Variants in SPATA16 observed in about 807,000 individuals in gnomAD.
SPATA16 encodes spermatogenesis associated 16.
SPATA16 carries 36 observed loss-of-function variants against 63.3 expected under a neutral mutation model. The ratio of observed to expected loss-of-function variants is 0.57; its 90% confidence interval spans 0.44 to 0.75. SPATA16 has a LOEUF of 0.75. SPATA16 is among the 30% of genes least tolerant of loss of function. SPATA16 has a pLI of 0.00. For synonymous variants in SPATA16, 203 were observed against 216.7 expected (o/e 0.94, Z 0.56); for missense variants, 646 against 679.3 (o/e 0.95, Z 0.54).
intron 6 of SPATA16, among the ~76,000 whole-genome samples, chr3:172,933,082 C>T (rs1209566867): frequency 2.0e-5 from 3 of 152,094 alleles, no homozygotes; most frequent in Non-Finnish European, 4.4e-5. Context: ...TTATTCTGGG[C>T]TTTATTACAC....
At chr3:173,053,312 G>A (rs1391573239) in intron 2 of SPATA16, among the ~76,000 whole-genome samples, 1 of 152,138 alleles carries the variant, frequency 6.6e-6, no homozygotes, top group Non-Finnish European at 1.5e-5. Flanking sequence ...AGGAAGCAGA[G>A]TTTGCAGTGA....
chr3:173,140,031 A>G (rs1461949750), intron 1 of SPATA16, among the ~76,000 whole-genome samples: 1 of 152,134 alleles, frequency 6.6e-6, no homozygotes, highest in Non-Finnish European at 1.5e-5. Context: ...CTCCTGCAGT[A>G]AGGATTAACT....
chr3:173,061,238 A>G (rs749231959), intron 2 of SPATA16, among the ~76,000 whole-genome samples: 1 of 152,232 alleles, frequency 6.6e-6, no homozygotes. Flanking sequence ...AGAGAGAGAT[A>G]CTAACTAGGG....
At chr3:172,997,367 T>C (rs1480375014) in intron 4 of SPATA16, among the ~76,000 whole-genome samples, 12 of 152,152 alleles carry the variant, frequency 7.9e-5, no homozygotes, top group Non-Finnish European at 4.4e-5. Flanking sequence ...TGATGACATA[T>C]GATGTGAGCA....
intron 2 of SPATA16, among the ~76,000 whole-genome samples, chr3:173,056,722 A>G (rs1006950917): frequency 6.5e-4 from 98 of 151,230 alleles, no homozygotes; most frequent in Non-Finnish European, 1.2e-3. Context: ...AAAAAAAAAA[A>G]AAAAAAAGAA....
intron 6 of SPATA16, among the ~76,000 whole-genome samples, chr3:172,946,318 G>A (rs1408758534): frequency 2.0e-5 from 3 of 152,158 alleles, no homozygotes; most frequent in Non-Finnish European, 4.4e-5. Flanking sequence ...TTCTCCTTTA[G>A]GAAAGGAGAG....
At chr3:173,033,975 G>T (rs575679839) in intron 3 of SPATA16, among the ~76,000 whole-genome samples, 24 of 152,178 alleles carry the variant, frequency 1.6e-4, no homozygotes, top group Non-Finnish European at 3.5e-4. Context: ...AAAGAGCTGG[G>T]ATTACAGGAG....
At chr3:173,021,232 G>A (rs1210856250) in intron 3 of SPATA16, among the ~76,000 whole-genome samples, 1 of 152,166 alleles carries the variant, frequency 6.6e-6, no homozygotes, top group Non-Finnish European at 1.5e-5. Flanking sequence ...AGAGGAAGAC[G>A]GAACTTTCTA....
chr3:172,957,992 TAGCTTA>T lies in SPATA16; in HGVS notation c.934-1174_934-1169del, dbSNP rs200327659. Among the ~76,000 whole-genome samples the T allele has an allele frequency of 9.5e-3, 1,453 of 152,312 alleles. 33 individuals are homozygous for T. Among genetic ancestry groups the T allele is most frequent in the Admixed American group, 0.047 (725 of 15,288 alleles). Reference sequence around the variant, plus strand: ...CAAAGGGTCTTCCTTTCTCTGAGACTAGCTTAAAATTATGTAAAAATTAGTGGTGGA... The same window carrying T: ...CAAAGGGTCTTCCTTTCTCTGAGACTAAATTATGTAAAAATTAGTGGTGGA... On this transcript the variant is annotated intron_variant, in intron 5 of 10. Coordinates refer to ENST00000351008, the MANE Select transcript of SPATA16 (RefSeq NM_031955.6).
At chr3:172,991,246 C>G (rs1258573041) in intron 4 of SPATA16, among the ~76,000 whole-genome samples, 1 of 152,104 alleles carries the variant, frequency 6.6e-6, no homozygotes, top group Non-Finnish European at 1.5e-5. Flanking sequence ...TGTTGCACAG[C>G]CAGCCTCCAT....
At chr3:173,016,709 T>G (rs554443503) in intron 4 of SPATA16, among the ~76,000 whole-genome samples, 2 of 152,258 alleles carry the variant, frequency 1.3e-5, no homozygotes, top group East Asian at 3.9e-4. Context: ...TCCAATAGAT[T>G]GATTGATAAA....
chr3:173,039,579 A>G (rs1459701574), intron 3 of SPATA16, among the ~76,000 whole-genome samples: 1 of 152,164 alleles, frequency 6.6e-6, no homozygotes, highest in Non-Finnish European at 1.5e-5. Context: ...AACTATTTTC[A>G]TATTCATGAA....
rs1344898440 is a variant in SPATA16 at position 173,112,584 on chromosome 3, T to C, written c.612+4536A>G. Among the ~76,000 whole-genome samples the C allele has an allele frequency of 3.3e-5, 5 of 152,230 alleles. No homozygotes were observed. In the East Asian group the frequency reaches 9.6e-4, roughly 29 times the overall value. The stretch of plus-strand genomic sequence containing the variant: ...CAATAATAATAACAGTATTATCTCA[T>C]TGGCTTGTTGTGAGAATGAAATGGA... On this transcript the variant is annotated intron_variant, in intron 2 of 10. Coordinates refer to ENST00000351008, the MANE Select transcript of SPATA16 (RefSeq NM_031955.6).
chr3:172,932,181 C>G (rs1732886252), intron 6 of SPATA16, among the ~76,000 whole-genome samples: 1 of 152,130 alleles, frequency 6.6e-6, no homozygotes, highest in Non-Finnish European at 1.5e-5. Flanking sequence ...CTGTTGGACA[C>G]CTCATCATAA....
intron 1 of SPATA16, among the ~76,000 whole-genome samples, chr3:173,130,758 T>C (rs1394542482): frequency 6.6e-6 from 1 of 152,224 alleles, no homozygotes; most frequent in African/African-American, 2.4e-5. Context: ...CTAAAGATAA[T>C]ATAATTATGA....
chr3:172,961,663 G>A (rs1390408002), intron 5 of SPATA16, among the ~76,000 whole-genome samples: 1 of 152,068 alleles, frequency 6.6e-6, no homozygotes, highest in Admixed American at 6.6e-5. Flanking sequence ...CCAAAGTACT[G>A]GATTACAGGC....
chr3:173,001,247 C>G (rs1367772952), intron 4 of SPATA16, among the ~76,000 whole-genome samples: 1 of 142,384 alleles, frequency 7.0e-6, no homozygotes, highest in Non-Finnish European at 1.5e-5. Context: ...GAACTGTGAA[C>G]TTGACCAATG....
intron 1 of SPATA16, among the ~76,000 whole-genome samples, chr3:173,122,329 TG>T (rs1451387757): frequency 6.6e-6 from 1 of 152,208 alleles, no homozygotes; most frequent in African/African-American, 2.4e-5. Flanking sequence ...CTGTTCTATG[TG>T]GGAGTTTCTA....
At chr3:172,893,111 C>T in intron 10 of SPATA16, among the ~76,000 whole-genome samples, 1 of 152,174 alleles carries the variant, frequency 6.6e-6, no homozygotes, top group East Asian at 1.9e-4. Context: ...TTTTAATTCA[C>T]ACTTAAACAC....
Sources: allele counts gnomAD v4.1 joint callset (sites outside exome capture counted in the v4.1 genomes callset), GRCh38; gene constraint gnomAD v4.1.1; transcripts MANE v1.5; gene names NCBI Gene and HGNC (gene_info 2026-07-23, HGNC 2026-07-21).